Variants in PCDHB8 observed in about 807,000 individuals in gnomAD.
PCDHB8 encodes the protein protocadherin beta-8.
For synonymous variants in PCDHB8, 385 were observed against 448.5 expected, an observed-to-expected ratio of 0.86 and a Z score of 1.79; for missense variants, 836 against 1,004.0, an observed-to-expected ratio of 0.83 and a Z score of 2.26.
Position 141,179,240 on chromosome 5 carries a change from C to T in PCDHB8, c.1206C>T (p.Tyr402=), listed in dbSNP as rs1554281130. The change falls in exon 1 of 1, where the codon TAC becomes TAT. Residue 402 remains tyrosine, a synonymous_variant. Coordinates refer to ENST00000239444, the MANE Select transcript of PCDHB8 (RefSeq NM_019120.5). ...FLLKSSVGNF[Y]TLLTETPLDR... ...TGAAATCTTCTGTGGGGAACTTTTACACCCTACTAACAGAGACACCACTAG... is the reference window on the plus strand; with the variant it reads ...TGAAATCTTCTGTGGGGAACTTTTATACCCTACTAACAGAGACACCACTAG... 6.2e-7 allele frequency: 1 copy of T among 1,614,220 alleles called. No individual in the cohort carries two copies. The highest frequency in any genetic ancestry group is 2.2e-5 in the East Asian group (1 of 44,876).
chr5:141,179,532 C>T lies in PCDHB8; in HGVS notation c.1498C>T (p.Pro500Ser), dbSNP rs369203492. ...SLLPPQDPHL[P>S]LASLVSINTD... ...GCTGCCGCCCCAGGATCCGCACCTG[C>T]CCCTCGCCTCCCTGGTCTCCATCAA... The change falls in exon 1 of 1, where the codon CCC (proline) becomes TCC (serine). Residue 500 changes from proline to serine, a missense_variant. Coordinates refer to ENST00000239444, the MANE Select transcript of PCDHB8 (RefSeq NM_019120.5). 4.3e-6 allele frequency: 7 copies of T among 1,613,628 alleles called. No individual in the cohort carries two copies. The highest frequency in any genetic ancestry group is 2.7e-5 in the African/African-American group (2 of 74,936).
At position 141,179,760 on chromosome 5, in the gene PCDHB8, C is replaced by G; in HGVS notation, c.1726C>G (p.Leu576Val). 6.2e-7 allele frequency: 1 copy of G among 1,611,320 alleles called. No homozygotes were observed. Among genetic ancestry groups the G allele is most frequent in the Admixed American group, 1.7e-5 (1 of 59,984 alleles). ...LQNGSAPCTE[L>V]VPRAAEPGYL... The stretch of plus-strand genomic sequence containing the variant: ...GAATGGCTCCGCGCCCTGCACCGAG[C>G]TGGTGCCCCGGGCGGCCGAGCCGGG... Residue 576 changes from leucine to valine, a missense_variant, in exon 1 of 1, where the codon CTG becomes GTG. Transcript: ENST00000239444.
chr5:141,177,810 G>A lies in PCDHB8; in HGVS notation c.-225G>A, dbSNP rs1252094883. 13 of 623,128 alleles carry A rather than the reference G, an allele frequency of 2.1e-5. No homozygotes were observed. Among genetic ancestry groups the A allele is most frequent in the Admixed American group, 6.1e-5 (2 of 32,834 alleles). The allele number at this position is 623,128 out of a possible 1,614,324, so 38.6% of individuals were successfully genotyped here. ...CGTGGTGGCGCTGCAGGATAAGAAG[G>A]CACAAACCAGAACCGCAGCTGCAGC... On this transcript the variant is annotated 5_prime_UTR_variant, in exon 1 of 1. Coordinates refer to ENST00000239444, the MANE Select transcript of PCDHB8 (RefSeq NM_019120.5).
rs1554281529 is a variant in PCDHB8 at position 141,180,063 on chromosome 5, G to A, written c.2029G>A (p.Ala677Thr). ...FSQPYLPLPE[A>T]APAQGQADSL... ...CCAGCCCTACCTGCCGCTTCCGGAG[G>A]CTGCCCCAGCCCAGGGCCAGGCCGA... is the stretch of plus-strand genomic sequence containing the variant. The change falls in exon 1 of 1, where the codon GCT becomes ACT. Residue 677 changes from alanine to threonine, a missense_variant. By Grantham distance (58) the Ala-to-Thr change is moderately conservative. Coordinates refer to ENST00000239444, the MANE Select transcript of PCDHB8 (RefSeq NM_019120.5). The A allele has an allele frequency of 1.9e-6, 3 of 1,609,738 alleles. No individual in the cohort carries two copies. The highest frequency in any genetic ancestry group is 2.5e-6 in the Non-Finnish European group (3 of 1,179,850).
chr5:141,180,085 C>T lies in PCDHB8; in HGVS notation c.2051C>T (p.Ala684Val), dbSNP rs369925528. Residue 684 changes from alanine to valine, a missense_variant, in exon 1 of 1, where the codon GCC (alanine) becomes GTC (valine). Coordinates refer to ENST00000239444, the MANE Select transcript of PCDHB8 (RefSeq NM_019120.5). Reference sequence around the variant, plus strand: ...GAGGCTGCCCCAGCCCAGGGCCAGGCCGACTCTCTCACCGTCTACCTGGTG... The same window carrying T: ...GAGGCTGCCCCAGCCCAGGGCCAGGTCGACTCTCTCACCGTCTACCTGGTG... ...LPEAAPAQGQ[A>V]DSLTVYLVVA... The T allele has an allele frequency of 6.2e-7, 1 of 1,610,236 alleles. No homozygotes were observed. Among genetic ancestry groups the T allele is most frequent in the South Asian group, 1.1e-5 (1 of 90,992 alleles).
At position 141,178,045 on chromosome 5, in the gene PCDHB8, G is replaced by A. The variant is rs17844480; in HGVS notation, c.11G>A (p.Ser4Asn). The change falls in exon 1 of 1, where the codon AGC (serine) becomes AAC (asparagine). Residue 4 changes from serine (S) to asparagine (N), a missense_variant. Physicochemically the swap from Ser to Asn is conservative, Grantham distance 46. Transcript: ENST00000239444. Reference protein sequence around the residue: MEASGKLICRQRQV... With the variant: MEANGKLICRQRQV... ...AATTCAGCAAGAACAATGGAGGCCA[G>A]CGGGAAGCTCATTTGCAGACAAAGG... is the stretch of plus-strand genomic sequence containing the variant. 9.9e-5 allele frequency: 160 copies of A among 1,613,644 alleles called. 2 individuals are homozygous for A. In the East Asian group the frequency reaches 3.5e-3, roughly 36 times the overall value.
chr5:141,180,188 C>A lies in PCDHB8; in HGVS notation c.2154C>A (p.Ser718Arg). Residue 718 changes from serine to arginine, a missense_variant, in exon 1 of 1, where the codon AGC (serine) becomes AGA (arginine). By Grantham distance (110) the Ser-to-Arg change is moderately radical (BLOSUM62 -1). Coordinates refer to ENST00000239444, the MANE Select transcript of PCDHB8 (RefSeq NM_019120.5). The stretch of plus-strand genomic sequence containing the variant: ...TGGCGGTGCTGCTGTGTAGGAGGAG[C>A]AGGGCGGCCTCGGTGGGTCGCTGCT... ...LFVAVLLCRR[S>R]RAASVGRCSV... 6.2e-7 allele frequency: 1 copy of A among 1,612,522 alleles called. No homozygotes were observed. The highest frequency in any genetic ancestry group is 8.5e-7 in the Non-Finnish European group (1 of 1,179,924).
rs782800256 is a variant in PCDHB8, at chr5:141,178,581, A to T, written c.547A>T (p.Thr183Ser). 1.2e-6 allele frequency: 2 copies of T among 1,613,942 alleles called. No individual in the cohort carries two copies. Among genetic ancestry groups the T allele is most frequent in the African/African-American group, 2.7e-5 (2 of 74,902 alleles). Residue 183 changes from threonine (T) to serine (S), a missense_variant, in exon 1 of 1, where the codon ACC (threonine) becomes TCC (serine). Transcript: ENST00000239444. ...CCCCAACTCCTATTTTCGGGTCCTC[A>T]CCCGCAAACGCAGTGATGGCAGGAA... ...ISPNSYFRVL[T>S]RKRSDGRKYP...
chr5:141,179,735 G>C lies in PCDHB8; in HGVS notation c.1701G>C (p.Gln567His), dbSNP rs1305962358. 1 of 1,611,554 alleles carries C rather than the reference G, an allele frequency of 6.2e-7. No individual in the cohort carries two copies. The highest frequency in any genetic ancestry group is 8.5e-7 in the Non-Finnish European group (1 of 1,179,550). The part of the protein sequence containing the change: ...DNSPFVLYPL[Q>H]NGSAPCTELV... ...CGCCCTTCGTGCTGTACCCGCTGCA[G>C]AATGGCTCCGCGCCCTGCACCGAGC... Residue 567 changes from glutamine to histidine, a missense_variant, in exon 1 of 1, where the codon CAG becomes CAC. Gln to His is a conservative substitution (Grantham distance 24). Transcript: ENST00000239444.
At position 141,179,891 on chromosome 5, in the gene PCDHB8, G is replaced by A; in HGVS notation, c.1857G>A (p.Trp619Ter). ...KATEPGLFGV[W>*]AHNGEVRTAR... is the part of the protein sequence containing the mutation. ...CGGAGCCCGGGCTGTTCGGTGTGTG[G>A]GCGCACAATGGCGAGGTGCGCACCG... Residue 619 changes from tryptophan to a stop codon, truncating the protein, a stop_gained, in exon 1 of 1, where the codon TGG becomes TGA. Coordinates refer to ENST00000239444, the MANE Select transcript of PCDHB8 (RefSeq NM_019120.5). LOFTEE classifies it low-confidence loss of function (END_TRUNC). 1 of 1,609,484 alleles carries A rather than the reference G, an allele frequency of 6.2e-7. No homozygotes were observed. The highest frequency in any genetic ancestry group is 8.5e-7 in the Non-Finnish European group (1 of 1,179,674).
At position 141,179,613 on chromosome 5, in the gene PCDHB8, G is replaced by A. The variant is rs1554281300; in HGVS notation, c.1579G>A (p.Ala527Thr). 1.2e-6 allele frequency: 2 copies of A among 1,613,304 alleles called. No homozygotes were observed. The highest frequency in any genetic ancestry group is 1.7e-5 in the Admixed American group (1 of 60,008). ...GTCGCTGGACTACGAGGCCCTGCAG[G>A]CGTTCGAGTTCCGGGTGGGCGCTTC... ...LRSLDYEALQ[A>T]FEFRVGASDR... Residue 527 changes from alanine to threonine, a missense_variant, in exon 1 of 1, where the codon GCG becomes ACG. Transcript: ENST00000239444.
Position 141,180,097 on chromosome 5 carries a change from C to G in PCDHB8, c.2063C>G (p.Thr688Ser), listed in dbSNP as rs782423761. ...APAQGQADSL[T>S]VYLVVALASV... ...GCCCAGGGCCAGGCCGACTCTCTCA[C>G]CGTCTACCTGGTGGTGGCGTTGGCC... The change falls in exon 1 of 1, where the codon ACC (threonine) becomes AGC (serine). Residue 688 changes from threonine (T) to serine (S), a missense_variant. Transcript: ENST00000239444. The G allele has an allele frequency of 6.2e-7, 1 of 1,610,624 alleles. No homozygotes were observed. The highest frequency in any genetic ancestry group is 8.5e-7 in the Non-Finnish European group (1 of 1,179,848).
In PCDHB8 at chr5:141,177,953, G is replaced by A; in HGVS notation, c.-82G>A. On this transcript the variant is annotated 5_prime_UTR_variant, in exon 1 of 1. Transcript: ENST00000239444. ...TCACTGGCATATTTCTGAGGTATCTGTAGAAAACCACAGCCTCAGATACTG... is the reference window on the plus strand; with the variant it reads ...TCACTGGCATATTTCTGAGGTATCTATAGAAAACCACAGCCTCAGATACTG... 6.2e-7 allele frequency: 1 copy of A among 1,604,548 alleles called. No individual in the cohort carries two copies. Among genetic ancestry groups the A allele is most frequent in the East Asian group, 2.2e-5 (1 of 44,800 alleles).
chr5:141,180,146 C>T lies in PCDHB8; in HGVS notation c.2112C>T (p.Phe704=), dbSNP rs373937766. The stretch of plus-strand genomic sequence containing the variant: ...CCTCGGTGTCTTCGCTCTTCCTCTT[C>T]TCGGTGCTCCTGTTCGTGGCGGTGC... ...ALASVSSLFL[F]SVLLFVAVLL... Residue 704 remains phenylalanine, a synonymous_variant, in exon 1 of 1, where the codon TTC becomes TTT. Coordinates refer to ENST00000239444, the MANE Select transcript of PCDHB8 (RefSeq NM_019120.5). 73 of 1,611,618 alleles carry T rather than the reference C, an allele frequency of 4.5e-5. No homozygotes were observed. Among genetic ancestry groups the T allele is most frequent in the Admixed American group, 1.8e-4 (11 of 59,996 alleles).
At position 141,178,117 on chromosome 5, in the gene PCDHB8, C is replaced by T; in HGVS notation, c.83C>T (p.Ala28Val). 1 of 1,609,794 alleles carries T rather than the reference C, an allele frequency of 6.2e-7. No homozygotes were observed. Among genetic ancestry groups the T allele is most frequent in the Non-Finnish European group, 8.5e-7 (1 of 1,178,240 alleles). Residue 28 changes from alanine to valine, a missense_variant, in exon 1 of 1, where the codon GCG becomes GTG. Coordinates refer to ENST00000239444, the MANE Select transcript of PCDHB8 (RefSeq NM_019120.5). ...FLLLGLSLAG[A>V]AEPRSYSVVE... ...CTTTTGGGCTTATCTCTGGCGGGCG[C>T]GGCGGAACCTAGAAGCTATTCTGTG...
chr5:141,179,257 C>T lies in PCDHB8; in HGVS notation c.1223C>T (p.Thr408Ile), dbSNP rs781903237. ...VGNFYTLLTE[T>I]PLDRESRAEY... The stretch of plus-strand genomic sequence containing the variant: ...AACTTTTACACCCTACTAACAGAGA[C>T]ACCACTAGACAGAGAAAGCAGAGCC... Residue 408 changes from threonine (T) to isoleucine (I), a missense_variant, in exon 1 of 1, where the codon ACA becomes ATA. By Grantham distance (89) the Thr-to-Ile change is moderately conservative (BLOSUM62 -1). Transcript: ENST00000239444. The T allele has an allele frequency of 4.3e-6, 7 of 1,614,212 alleles. No individual in the cohort carries two copies. Among genetic ancestry groups the T allele is most frequent in the Non-Finnish European group, 5.9e-6 (7 of 1,180,038 alleles).
rs138527738 is a variant in PCDHB8, at chr5:141,180,140, C to T, written c.2106C>T (p.Phe702=). Residue 702 remains phenylalanine (F), a synonymous_variant, in exon 1 of 1, where the codon TTC becomes TTT. Coordinates refer to ENST00000239444, the MANE Select transcript of PCDHB8 (RefSeq NM_019120.5). ...CGTTGGCCTCGGTGTCTTCGCTCTT[C>T]CTCTTCTCGGTGCTCCTGTTCGTGG... ...VVALASVSSL[F]LFSVLLFVAV... is the part of the protein sequence containing the mutation. 232 of 1,611,602 alleles carry T rather than the reference C, an allele frequency of 1.4e-4. No homozygotes were observed. In the South Asian group the frequency reaches 2.3e-3, roughly 16 times the overall value.
rs1554281474 is a variant in PCDHB8, at chr5:141,179,981, C to G, written c.1947C>G (p.Gly649=). Residue 649 remains glycine (G), a synonymous_variant, in exon 1 of 1, where the codon GGC becomes GGG. Coordinates refer to ENST00000239444, the MANE Select transcript of PCDHB8 (RefSeq NM_019120.5). The stretch of plus-strand genomic sequence containing the variant: ...TGGTGGTGCTGGTCAAGGACAATGG[C>G]GAGCCTCCGTGCTCGGCCACCGCCA... ...QRLVVLVKDN[G]EPPCSATATL... is the part of the protein sequence containing the mutation. The G allele has an allele frequency of 5.6e-6, 9 of 1,608,576 alleles. No homozygotes were observed. The South Asian group carries it at 8.8e-5, about 16-fold the overall frequency.
rs1398272747 is a variant in PCDHB8, at chr5:141,179,569, G to A, written c.1535G>A (p.Gly512Asp). 2.5e-6 allele frequency: 4 copies of A among 1,613,664 alleles called. No homozygotes were observed. The highest frequency in any genetic ancestry group is 2.5e-6 in the Non-Finnish European group (3 of 1,180,022). The change falls in exon 1 of 1, where the codon GGC (glycine) becomes GAC (aspartate). Residue 512 changes from glycine to aspartate, a missense_variant. Coordinates refer to ENST00000239444, the MANE Select transcript of PCDHB8 (RefSeq NM_019120.5). ...ASLVSINTDNGHLFALRSLDY... is the reference protein window; with the variant it reads ...ASLVSINTDNDHLFALRSLDY... ...CTGGTCTCCATCAACACAGACAACG[G>A]CCACCTGTTCGCCCTCAGGTCGCTG...
Sources: allele counts gnomAD v4.1 joint callset, GRCh38; gene constraint gnomAD v4.1.1; transcripts MANE v1.5; gene names NCBI Gene and HGNC (gene_info 2026-07-23, HGNC 2026-07-21).